The following USH2A variants were observed in gnomAD, a reference collection of about 807,000 sequenced individuals.
USH2A encodes usherin, also known as Usher syndrome 2A (autosomal recessive, mild).
USH2A carries 443 observed loss-of-function variants against 538.9 expected under a neutral mutation model. The ratio of observed to expected loss-of-function variants is 0.82; its 90% CI spans 0.76 to 0.89. The LOEUF (loss-of-function observed/expected upper bound fraction) is 0.89, where lower values mean the gene tolerates loss of function less well. Among genes scored for constraint, USH2A ranks in the 40% least tolerant of loss-of-function variants. The probability of loss-of-function intolerance (pLI) is 0.00; values close to 1 mark genes in which losing one functional copy is unlikely to be tolerated. For synonymous variants in USH2A, 2,413 were observed against 2,273.5 expected, an observed-to-expected ratio of 1.06 and a Z score of -1.75; for missense variants, 6,633 against 6,324.8, an observed-to-expected ratio of 1.05 and a Z score of -1.65.
intron 62 of USH2A, among the ~76,000 whole-genome samples, chr1:215,677,615 T>A (rs999248613): frequency 2.6e-5 from 4 of 152,180 alleles, no homozygotes; most frequent in African/African-American, 9.7e-5. Context: ...TTACTTCTGC[T>A]CTCAGCAACA....
At chr1:216,085,976 T>C (rs1341988376) in intron 24 of USH2A, among the ~76,000 whole-genome samples, 1 of 152,112 alleles carries the variant, frequency 6.6e-6, no homozygotes, top group Non-Finnish European at 1.5e-5. Flanking sequence ...TTGTAATATT[T>C]ATGTAGTTAT....
At chr1:216,227,308 T>C (rs1472136684) in intron 14 of USH2A, among the ~76,000 whole-genome samples, 1 of 152,212 alleles carries the variant, frequency 6.6e-6, no homozygotes, top group Non-Finnish European at 1.5e-5. Flanking sequence ...AAAAATCTGA[T>C]CTTTTATTTT....
At chr1:215,965,592 G>A (rs899923647) in intron 36 of USH2A, 113 bp from the exon 37 acceptor site, 6 of 1,228,276 alleles carry the variant, frequency 4.9e-6, no homozygotes, top group Non-Finnish European at 6.8e-6. Flanking sequence ...TATTTTGACA[G>A]TAGCATCTTG....
chr1:215,920,115 T>C (rs753690409), intron 38 of USH2A, among the ~76,000 whole-genome samples: 2 of 152,084 alleles, frequency 1.3e-5, no homozygotes, highest in South Asian at 2.1e-4. Context: ...ATTTCCTCAA[T>C]GCTAGAACTA....
chr1:216,319,263 T>C (rs535465790), intron 9 of USH2A, among the ~76,000 whole-genome samples: 2 of 152,302 alleles, frequency 1.3e-5, no homozygotes, highest in East Asian at 3.9e-4. Flanking sequence ...TAGAAAAATA[T>C]AATAAATGTT....
At chr1:215,659,844 G>A (rs1657388215) in intron 64 of USH2A, among the ~76,000 whole-genome samples, 1 of 152,162 alleles carries the variant, frequency 6.6e-6, no homozygotes, top group Admixed American at 6.5e-5. Context: ...GAGCCACCTT[G>A]AACTTGGGGT....
chr1:215,973,325 T>G (rs1209294710), intron 35 of USH2A, among the ~76,000 whole-genome samples: 1 of 152,166 alleles, frequency 6.6e-6, no homozygotes, highest in African/African-American at 2.4e-5. Context: ...AAACTAAATC[T>G]CATCCCCTTA....
chr1:215,699,549 G>A lies in USH2A; in HGVS notation c.12067-19173C>T, dbSNP rs192504483. Among the ~76,000 whole-genome samples the A allele has an allele frequency of 1.1e-4, 16 of 152,262 alleles. 1 individual carries two copies. The East Asian group carries it at 3.1e-3, about 29-fold the overall frequency. On this transcript the variant is annotated intron_variant, in intron 61 of 71. Coordinates refer to ENST00000307340, the MANE Select transcript of USH2A (RefSeq NM_206933.4). ...AGGTCCTTCACAACCCTTGTAAGTT[G>A]TATTCCTAGGTATTTTGTTTTCTTT... is the stretch of plus-strand genomic sequence containing the variant.
intron 61 of USH2A, among the ~76,000 whole-genome samples, chr1:215,705,819 A>T (rs962736011): frequency 2.0e-5 from 3 of 152,214 alleles, no homozygotes; most frequent in African/African-American, 7.2e-5. Context: ...AAGGATGGTA[A>T]CAAATGGAAT....
rs539589536 is a variant in USH2A, at chr1:216,408,735, A to G, written c.651+9779T>C. On this transcript the variant is annotated intron_variant, in intron 3 of 71. Transcript: ENST00000307340. ...ACTATTATTGCACTTTGGGGCCATT[A>G]AGAAGTGAAATACAGTTTCCTTGAA... Among the ~76,000 whole-genome samples, 11 of 152,268 alleles carry G rather than the reference A, an allele frequency of 7.2e-5. No homozygotes were observed. In the South Asian group the frequency reaches 1.9e-3, roughly 26 times the overall value.
chr1:216,094,263 C>CTTT (rs1022502627), intron 22 of USH2A, among the ~76,000 whole-genome samples: 2 of 152,074 alleles, frequency 1.3e-5, no homozygotes, highest in African/African-American at 4.8e-5. Flanking sequence ...CTGAAGAGCA[C>CTTT]TTTTTATTAG....
intron 64 of USH2A, among the ~76,000 whole-genome samples, chr1:215,666,951 C>T (rs775402118): frequency 1.3e-5 from 2 of 151,996 alleles, no homozygotes; most frequent in East Asian, 1.9e-4. Flanking sequence ...ACTAGCTGGG[C>T]GTGGTGGTGT....
In USH2A at chr1:215,786,670, C is replaced by T; in HGVS notation, c.10387G>A (p.Asp3463Asn). 1 of 1,613,944 alleles carries T rather than the reference C, an allele frequency of 6.2e-7. No individual in the cohort carries two copies. Among genetic ancestry groups the T allele is most frequent in the Non-Finnish European group, 8.5e-7 (1 of 1,179,882 alleles). ...GGGCAGACAGCTTGCTTTCTGTTAC[C>T]TGTGTAAGAGTACGTGTTTACACTC... ...TGSVNTYSYTDVNLKPYMTYE... is the reference protein window; with the variant it reads ...TGSVNTYSYTNVNLKPYMTYE... Residue 3463 changes from aspartate to asparagine, a missense_variant and splice_region_variant, in exon 52 of 72, where the codon GAT becomes AAT. Physicochemically the swap from Asp to Asn is conservative, Grantham distance 23. Coordinates refer to ENST00000307340, the MANE Select transcript of USH2A (RefSeq NM_206933.4).
chr1:216,310,253 G>A (rs1402120048), intron 9 of USH2A, among the ~76,000 whole-genome samples: 4 of 151,898 alleles, frequency 2.6e-5, no homozygotes, highest in African/African-American at 9.7e-5. Flanking sequence ...TTTTAGTTGA[G>A]CATTTTTACA....
intron 22 of USH2A, among the ~76,000 whole-genome samples, chr1:216,091,117 T>C (rs1313348178): frequency 6.6e-6 from 1 of 152,204 alleles, no homozygotes; most frequent in African/African-American, 2.4e-5. Flanking sequence ...TTTTGAAGAC[T>C]ATTTTAAGAT....
At chr1:216,110,177 A>AAAAACAAAAC (rs374433016) in intron 21 of USH2A, among the ~76,000 whole-genome samples, 1 of 152,060 alleles carries the variant, frequency 6.6e-6, no homozygotes, top group Non-Finnish European at 1.5e-5. Context: ...TAAAAATAAC[A>AAAAACAAAAC]AAAACAAAAC....
chr1:215,908,731 G>T (rs1347646589), intron 38 of USH2A, among the ~76,000 whole-genome samples: 2 of 151,834 alleles, frequency 1.3e-5, no homozygotes, highest in Non-Finnish European at 1.5e-5. Context: ...ATAATTGCAT[G>T]TACTATTTTT....
At chr1:215,930,186 C>T (rs1666328926) in intron 38 of USH2A, among the ~76,000 whole-genome samples, 1 of 152,008 alleles carries the variant, frequency 6.6e-6, no homozygotes, top group Non-Finnish European at 1.5e-5. Context: ...GTTCCTTTCA[C>T]TGTTACAATA....
At chr1:215,973,971 A>ACACACACAC (rs1571858943) in intron 35 of USH2A, among the ~76,000 whole-genome samples, 1 of 72,460 alleles carries the variant, frequency 1.4e-5, no homozygotes, top group African/African-American at 4.9e-5. Flanking sequence ...CACACACACA[A>ACACACACAC]ACACAGAGTT....
Sources: allele counts gnomAD v4.1 joint callset (sites outside exome capture counted in the v4.1 genomes callset), GRCh38; gene constraint gnomAD v4.1.1; transcripts MANE v1.5; gene names NCBI Gene and HGNC (gene_info 2026-07-23, HGNC 2026-07-21).